The following WWOX variants were observed in gnomAD, a reference collection of about 807,000 sequenced individuals.
The protein encoded by WWOX is WW domain-containing oxidoreductase.
A neutral mutation model predicts 46.2 loss-of-function variants in WWOX; 69 were observed. That is an observed-to-expected ratio of 1.49 (90% CI 1.23 to 1.82). The LOEUF (loss-of-function observed/expected upper bound fraction) is 1.82, where lower values mean the gene tolerates loss of function less well. Ranked by LOEUF, WWOX falls within the 40% of genes most tolerant of loss-of-function variation. The pLI, the probability that WWOX is intolerant of heterozygous loss-of-function variation, is 0.00. For missense variants in WWOX, 919 were observed against 542.6 expected, an observed-to-expected ratio of 1.69 and a Z score of -6.89; for synonymous variants, 359 against 202.6, an observed-to-expected ratio of 1.77 and a Z score of -6.56.
chr16:78,225,285 G>A (rs1485766090), intron 5 of WWOX, among the ~76,000 whole-genome samples: 1 of 152,150 alleles, frequency 6.6e-6, no homozygotes, highest in Non-Finnish European at 1.5e-5. Context: ...CATAGAAAAG[G>A]TACAGTGAAA....
chr16:78,203,087 A>G (rs761703293), intron 5 of WWOX, among the ~76,000 whole-genome samples: 8 of 152,178 alleles, frequency 5.3e-5, no homozygotes, highest in Non-Finnish European at 1.2e-4. Context: ...CTATCCTTGA[A>G]CTGGTGTCTT....
Position 78,829,026 on chromosome 16 carries a change from AC to A in WWOX, c.1057-382578del, listed in dbSNP as rs1203236026. The stretch of plus-strand genomic sequence containing the variant: ...TTGGACTTCTTCTCCTTGCCATTCC[AC>A]CCCATCATAAATTCTAAACATCATA... On this transcript the variant is annotated intron_variant, in intron 8 of 8. Coordinates refer to ENST00000566780, the MANE Select transcript of WWOX (RefSeq NM_016373.4). 2.0e-5 allele frequency among the ~76,000 whole-genome samples: 3 copies of A among 152,118 alleles called. No homozygotes were observed. In the East Asian group the frequency reaches 5.8e-4, roughly 29 times the overall value.
intron 8 of WWOX, among the ~76,000 whole-genome samples, chr16:78,550,017 C>G (rs2044137814): frequency 6.6e-6 from 1 of 152,212 alleles, no homozygotes. Flanking sequence ...AGGTTGAAAA[C>G]ACGCAATACA....
chr16:78,422,155 T>C, intron 6 of WWOX, among the ~76,000 whole-genome samples: 1 of 152,190 alleles, frequency 6.6e-6, no homozygotes, highest in Non-Finnish European at 1.5e-5. Flanking sequence ...AGATACGTGT[T>C]TGTCTCATAG....
intron 8 of WWOX, among the ~76,000 whole-genome samples, chr16:79,041,107 G>A (rs541115643): frequency 6.6e-6 from 1 of 152,158 alleles, no homozygotes; most frequent in Non-Finnish European, 1.5e-5. Context: ...CATTACGTGT[G>A]TTGTCATGTA....
intron 4 of WWOX, among the ~76,000 whole-genome samples, chr16:78,138,521 A>G (rs2033877543): frequency 6.6e-6 from 1 of 152,192 alleles, no homozygotes; most frequent in East Asian, 1.9e-4. Flanking sequence ...ATATGAGAGA[A>G]TAGGGAAAAT....
At chr16:79,145,412 G>C (rs1321054411) in intron 8 of WWOX, among the ~76,000 whole-genome samples, 1 of 152,120 alleles carries the variant, frequency 6.6e-6, no homozygotes. Flanking sequence ...ATGTTGCCCA[G>C]GCTGGTCTCG....
chr16:78,161,694 G>A (rs2034799956), intron 4 of WWOX, among the ~76,000 whole-genome samples: 1 of 152,074 alleles, frequency 6.6e-6, no homozygotes, highest in South Asian at 2.1e-4. Flanking sequence ...TCATGCTTTG[G>A]CCGCCCACGG....
chr16:79,145,276 C>T (rs953372662), intron 8 of WWOX, among the ~76,000 whole-genome samples: 4 of 152,066 alleles, frequency 2.6e-5, no homozygotes, highest in Admixed American at 6.6e-5. Flanking sequence ...ATTCAGAAGT[C>T]GTGATAAAGC....
intron 5 of WWOX, among the ~76,000 whole-genome samples, chr16:78,318,869 G>C (rs943234283): frequency 1.3e-5 from 2 of 152,118 alleles, no homozygotes; most frequent in African/African-American, 4.8e-5. Context: ...ACATGCCTGG[G>C]TACAATGTGA....
chr16:78,109,896 A>T (rs1364414510), intron 3 of WWOX, 61 bp downstream of exon 3: 1 of 1,533,368 alleles, frequency 6.5e-7, no homozygotes, highest in Non-Finnish European at 9.0e-7. Flanking sequence ...ATTTTTAATT[A>T]TAAAAGTAAT....
intron 8 of WWOX, among the ~76,000 whole-genome samples, chr16:79,015,024 C>G (rs890946033): frequency 1.3e-5 from 2 of 152,134 alleles, no homozygotes; most frequent in African/African-American, 4.8e-5. Context: ...AATCCAAGGA[C>G]TACGTGTGAC....
chr16:78,197,055 G>A (rs1180907752), intron 5 of WWOX, among the ~76,000 whole-genome samples: 2 of 152,164 alleles, frequency 1.3e-5, no homozygotes, highest in African/African-American at 4.8e-5. Flanking sequence ...GCAGTTAGTG[G>A]GAGTTGAGAG....
chr16:78,728,055 C>CTTCTT (rs1555524549), intron 8 of WWOX, among the ~76,000 whole-genome samples: 1 of 86,806 alleles, frequency 1.2e-5, no homozygotes, highest in Non-Finnish European at 2.1e-5. Flanking sequence ...TCCCTCCTTC[C>CTTCTT]TTTTTTTTTT....
At chr16:78,246,677 C>G (rs940153855) in intron 5 of WWOX, among the ~76,000 whole-genome samples, 2 of 152,096 alleles carry the variant, frequency 1.3e-5, no homozygotes, top group African/African-American at 4.8e-5. Context: ...CTTTTAAATG[C>G]CCGTGTTGAT....
At chr16:78,752,016 A>T (rs2142453217) in intron 8 of WWOX, among the ~76,000 whole-genome samples, 1 of 152,244 alleles carries the variant, frequency 6.6e-6, no homozygotes, top group South Asian at 2.1e-4. Context: ...AATAAGGAGG[A>T]GGATGAGGAG....
At chr16:78,853,558 A>C (rs1381288652) in intron 8 of WWOX, among the ~76,000 whole-genome samples, 1 of 152,188 alleles carries the variant, frequency 6.6e-6, no homozygotes, top group East Asian at 1.9e-4. Context: ...ATTACTCATG[A>C]ATCTTCTTGA....
intron 4 of WWOX, among the ~76,000 whole-genome samples, chr16:78,120,809 A>G (rs571646022): frequency 4.3e-4 from 65 of 152,306 alleles, no homozygotes; most frequent in African/African-American, 1.5e-3. Flanking sequence ...ACGTGAATAG[A>G]AGAAAATTAC....
chr16:79,096,016 A>ATTTTTTTT (rs57621801), intron 8 of WWOX, among the ~76,000 whole-genome samples: 4 of 82,052 alleles, frequency 4.9e-5, no homozygotes, highest in Admixed American at 1.4e-4. Flanking sequence ...CACCCGGATA[A>ATTTTTTTT]TTTTTTTTTT....
Sources: gnomAD v4.1 joint callset for allele counts (sites outside exome capture counted in the v4.1 genomes callset) on GRCh38, gnomAD v4.1.1 for gene constraint, MANE v1.5 for transcripts, NCBI Gene and HGNC (gene_info 2026-07-23, HGNC 2026-07-21) for gene names.